Variants in DAPK2 observed in about 807,000 individuals in gnomAD.
DAPK2 encodes death associated protein kinase 2, also known as death-associated protein kinase 2.
Under a neutral mutation model 44.1 loss-of-function variants are expected in DAPK2, and 35 were observed. The observed-to-expected ratio is 0.79, with a 90% CI of 0.61 to 1.05. The LOEUF is 1.05. DAPK2 is among the 50% of genes least tolerant of loss of function. The probability of loss-of-function intolerance (pLI) is 0.00; values close to 1 mark genes in which losing one functional copy is unlikely to be tolerated. For synonymous variants in DAPK2, 174 were observed against 182.6 expected, an observed-to-expected ratio of 0.95 and a Z score of 0.38; for missense variants, 453 against 483.2, an observed-to-expected ratio of 0.94 and a Z score of 0.59.
At chr15:63,941,364 C>T (rs6494454) in intron 3 of DAPK2, among the ~76,000 whole-genome samples, 2 of 152,014 alleles carry the variant, frequency 1.3e-5, no homozygotes, top group Non-Finnish European at 2.9e-5. Flanking sequence ...TCTTGTCCAG[C>T]GGCCCTTTGC....
At chr15:64,002,691 G>A (rs1050917299) in intron 1 of DAPK2, among the ~76,000 whole-genome samples, 3 of 152,198 alleles carry the variant, frequency 2.0e-5, no homozygotes, top group Non-Finnish European at 4.4e-5. Flanking sequence ...TGCAAGGGAT[G>A]ATAGTATGAA....
exon 1 of DAPK2, chr15:64,040,263 C>T (rs768626287): frequency 9.5e-5 from 154 of 1,613,614 alleles, no homozygotes; most frequent in African/African-American, 2.5e-4. Flanking sequence ...CTGGAACATA[C>T]AATCCTGAAA....
intron 2 of DAPK2, among the ~76,000 whole-genome samples, chr15:63,974,556 TAAGAC>T (rs958211001): frequency 9.2e-5 from 14 of 152,152 alleles, no homozygotes; most frequent in African/African-American, 3.4e-4. Flanking sequence ...GTGTCTGAGT[TAAGAC>T]AAGGGTTATG....
At chr15:64,033,396 G>A (rs1346761663) in intron 1 of DAPK2, among the ~76,000 whole-genome samples, 1 of 151,826 alleles carries the variant, frequency 6.6e-6, no homozygotes, top group Non-Finnish European at 1.5e-5. Flanking sequence ...AAAGTGCTGG[G>A]ATTACAGGCA....
At chr15:63,991,204 C>T (rs2078806814) in intron 1 of DAPK2, 1 of 455,904 alleles carries the variant, frequency 2.2e-6, no homozygotes, top group South Asian at 1.5e-5. Flanking sequence ...GCCAGAGAGA[C>T]AAGGGTAAGG....
chr15:63,907,295 T>C (rs879859530), exon 11 of DAPK2: 1 of 152,248 alleles, frequency 6.6e-6, no homozygotes, highest in Non-Finnish European at 1.5e-5. Context: ...CATCTCCAAA[T>C]ACAGTGATAT....
intron 2 of DAPK2, among the ~76,000 whole-genome samples, chr15:63,983,056 C>A (rs1238852595): frequency 6.6e-6 from 1 of 152,170 alleles, no homozygotes; most frequent in African/African-American, 2.4e-5. Context: ...ATTCACAGCA[C>A]AAATGCAGTG....
At chr15:63,982,840 A>G (rs921346078) in intron 2 of DAPK2, among the ~76,000 whole-genome samples, 1 of 152,214 alleles carries the variant, frequency 6.6e-6, no homozygotes, top group African/African-American at 2.4e-5. Flanking sequence ...TGTCTGTGTG[A>G]CAGCGTTGTT....
intron 1 of DAPK2, among the ~76,000 whole-genome samples, chr15:63,988,476 T>A (rs2140892419): frequency 6.6e-6 from 1 of 151,678 alleles, no homozygotes; most frequent in Non-Finnish European, 1.5e-5. Context: ...TATAGCAATG[T>A]GAACATTACA....
intron 1 of DAPK2, among the ~76,000 whole-genome samples, chr15:63,996,411 C>CAA (rs2078950172): frequency 6.6e-6 from 1 of 152,150 alleles, no homozygotes; most frequent in African/African-American, 2.4e-5. Flanking sequence ...CCACTGAACT[C>CAA]CAGCCTGACA....
rs1343935196 is a variant in DAPK2, at chr15:63,990,073, C to T, written c.93-6319G>A. ...TAGACCACTCGCACTGCCACCCACC[C>T]TCACCCTCTGTGGTAAGCCACAGCC... On this transcript the variant is annotated intron_variant, in intron 1 of 10. Transcript: ENST00000261891. This position sits in a 1 kb window ranked among gnomAD's most constrained non-coding sequence, Gnocchi z 4.3. 6.6e-6 allele frequency among the ~76,000 whole-genome samples: 1 copy of T among 152,186 alleles called. No individual in the cohort carries two copies. Among genetic ancestry groups the T allele is most frequent in the African/African-American group, 2.4e-5 (1 of 41,434 alleles).
chr15:63,927,993 C>A (rs1376073309), intron 6 of DAPK2, among the ~76,000 whole-genome samples: 2 of 152,124 alleles, frequency 1.3e-5, no homozygotes, highest in African/African-American at 4.8e-5. Context: ...AAGCATCTGC[C>A]CACCTCAGCC....
In DAPK2 at chr15:63,924,827, G is replaced by A; in HGVS notation, c.847C>T (p.Pro283Ser). The A allele has an allele frequency of 6.2e-7, 1 of 1,614,170 alleles. No individual in the cohort carries two copies. The highest frequency in any genetic ancestry group is 8.5e-7 in the Non-Finnish European group (1 of 1,180,008). The change falls in exon 8 of 11, where the codon CCC becomes TCC. Residue 283 changes from proline (P) to serine (S), a missense_variant. By Grantham distance (74) the Pro-to-Ser change is moderately conservative. Coordinates refer to ENST00000261891, the Ensembl canonical transcript of DAPK2. ...GGCTGTGCCCTTACCGTGATCCAGG[G>A]GTGTCTGAGAGCCTCTTGGATTGTG... is the stretch of plus-strand genomic sequence containing the variant.
chr15:63,975,985 ATCT>A (rs1428601943), intron 2 of DAPK2, among the ~76,000 whole-genome samples: 1 of 151,894 alleles, frequency 6.6e-6, no homozygotes, highest in Non-Finnish European at 1.5e-5. Flanking sequence ...GAACATCAAA[ATCT>A]TCTTTTCTCC....
rs1356622476 is a variant in DAPK2, at chr15:63,970,376, CTCT to C, written c.453+1044_453+1046del. 5.9e-5 allele frequency among the ~76,000 whole-genome samples: 9 copies of C among 152,260 alleles called. No individual in the cohort carries two copies. In the East Asian group the frequency reaches 1.5e-3, roughly 26 times the overall value. On this transcript the variant is annotated intron_variant, in intron 3 of 10. Coordinates refer to ENST00000261891, the Ensembl canonical transcript of DAPK2. Reference sequence around the variant, plus strand: ...GGCCTTTCTTCCTTATAAGGCCCTTCTCTTCTTCTATTTCCTACCAATCCTTCA... The same window carrying C: ...GGCCTTTCTTCCTTATAAGGCCCTTCTCTTCTATTTCCTACCAATCCTTCA...
At chr15:64,015,411 T>C (rs1213044896) in intron 1 of DAPK2, among the ~76,000 whole-genome samples, 1 of 151,916 alleles carries the variant, frequency 6.6e-6, no homozygotes, top group Non-Finnish European at 1.5e-5. Context: ...ATAGGCAGAG[T>C]AGAGGCAGCT....
chr15:63,943,875 C>CAA lies in DAPK2; in HGVS notation c.454-4516_454-4515dup, dbSNP rs199916370. Among the ~76,000 whole-genome samples, 56 of 151,266 alleles carry CAA rather than the reference C, an allele frequency of 3.7e-4. 1 individual carries two copies. The highest frequency in any genetic ancestry group is 1.3e-3 in the African/African-American group (52 of 41,174). On this transcript the variant is annotated intron_variant, in intron 3 of 10. Transcript: ENST00000261891. ...TGGGTGACAGAGAGGGACTCTGTCT[C>CAA]AAAAAAAACAAAACAAAAAAAATCT...
chr15:63,990,041 A>G lies in DAPK2; in HGVS notation c.93-6287T>C, dbSNP rs1456853216. Among the ~76,000 whole-genome samples the G allele has an allele frequency of 2.6e-5, 4 of 152,152 alleles. No individual in the cohort carries two copies. Among genetic ancestry groups the G allele is most frequent in the African/African-American group, 7.2e-5 (3 of 41,416 alleles). ...AGGCAATATACCCCTTACGGCCTGC[A>G]TCAAGGTAGACCACTCGCACTGCCA... On this transcript the variant is annotated intron_variant, in intron 1 of 10. Coordinates refer to ENST00000261891, the Ensembl canonical transcript of DAPK2. This position sits in a 1 kb window ranked among gnomAD's most constrained non-coding sequence, Gnocchi z 4.3.
intron 3 of DAPK2, among the ~76,000 whole-genome samples, chr15:63,943,526 C>T (rs1375417168): frequency 2.0e-5 from 3 of 152,140 alleles, no homozygotes; most frequent in Non-Finnish European, 4.4e-5. Context: ...GTTTGTGCTC[C>T]TAACCGCTAG....
Sources: allele counts gnomAD v4.1 joint callset (sites outside exome capture counted in the v4.1 genomes callset), GRCh38; gene constraint gnomAD v4.1.1; non-coding constraint Gnocchi (gnomAD v3.1); transcripts MANE v1.5; gene names NCBI Gene and HGNC (gene_info 2026-07-23, HGNC 2026-07-21).